The following DUOX1 variants were observed in gnomAD, a reference collection of about 807,000 sequenced individuals.
The protein encoded by DUOX1 is NADPH thyroid oxidase 1.
In DUOX1, 134 loss-of-function variants were observed where a neutral mutation model predicts 181.8. The ratio of observed to expected loss-of-function variants is 0.74; its 90% confidence interval spans 0.64 to 0.85. The LOEUF is 0.85. DUOX1 is among the 40% of genes least tolerant of loss of function. The pLI, the probability that DUOX1 is intolerant of heterozygous loss-of-function variation, is 0.00. For missense variants in DUOX1, 1,814 were observed against 2,064.4 expected, an observed-to-expected ratio of 0.88 and a Z score of 2.35; for synonymous variants, 798 against 832.5, an observed-to-expected ratio of 0.96 and a Z score of 0.71.
chr15:45,147,870 G>A (rs935037596), intron 19 of DUOX1, 34 bp from the exon 20 acceptor site: 20 of 1,586,674 alleles, frequency 1.3e-5, no homozygotes, highest in East Asian at 8.9e-5. Context: ...GCAGGCAGGC[G>A]GGGGCTCTCC....
intron 25 of DUOX1, 124 bp downstream of exon 25, chr15:45,152,640 T>A: frequency 9.2e-6 from 9 of 980,832 alleles, no homozygotes; most frequent in South Asian, 1.4e-5. Context: ...AGGATGGAGT[T>A]GGCCTGGGCC....
At chr15:45,153,048 C>T (rs1896856448) in intron 25 of DUOX1, 3 of 313,818 alleles carry the variant, frequency 9.6e-6, no homozygotes, top group Non-Finnish European at 1.8e-5. Flanking sequence ...TGGTGAAACC[C>T]CGTCTCTACT....
In DUOX1 at chr15:45,147,423, C is replaced by T. The variant is rs1223701259; in HGVS notation, c.2323-10C>T. ...CTCCTCTCCCTCCCTCTGCTTCTGC[C>T]CAAGTGCAGGTGCTGGACATCAACC... is the stretch of plus-strand genomic sequence containing the variant. On this transcript the variant is annotated splice_polypyrimidine_tract_variant and intron_variant, in intron 18 of 33. Transcript: ENST00000389037. The T allele has an allele frequency of 1.9e-6, 3 of 1,612,564 alleles. No homozygotes were observed. The highest frequency in any genetic ancestry group is 1.7e-6 in the Non-Finnish European group (2 of 1,179,290).
chr15:45,139,449 G>A lies in DUOX1; in HGVS notation c.1239G>A (p.Lys413=). Residue 413 remains lysine (K), a synonymous_variant, in exon 12 of 34, where the codon AAG becomes AAA. Transcript: ENST00000389037. ...CAGATTTCTGGCCTGGGCCACTGAA[G>A]TTTTCCCGCACAGACCACCTGGCCA... ...DVRDFWPGPL[K]FSRTDHLASC... 6.2e-7 allele frequency: 1 copy of A among 1,612,698 alleles called. No homozygotes were observed. The highest frequency in any genetic ancestry group is 8.5e-7 in the Non-Finnish European group (1 of 1,179,658).
chr15:45,137,585 T>C (rs1387303016), intron 9 of DUOX1, among the ~76,000 whole-genome samples: 2 of 152,116 alleles, frequency 1.3e-5, no homozygotes, highest in Non-Finnish European at 1.5e-5. Context: ...AGAACAATTT[T>C]TGAATCCTTT....
chr15:45,139,051 C>A lies in DUOX1; in HGVS notation c.1114-15C>A, dbSNP rs759081486. 17 of 1,610,938 alleles carry A rather than the reference C, an allele frequency of 1.1e-5. No individual in the cohort carries two copies. In the South Asian group the frequency reaches 1.8e-4, roughly 17 times the overall value. ...TTAACCACACCCCTTTCCTCCCCAC[C>A]CCCAACCTATAAAGCACCCAAGCCT... On this transcript the variant is annotated splice_polypyrimidine_tract_variant and intron_variant, in intron 10 of 33. Transcript: ENST00000389037.
chr15:45,147,506 C>T lies in DUOX1; in HGVS notation c.2396C>T (p.Thr799Ile), dbSNP rs1364696862. 4 of 1,613,980 alleles carry T rather than the reference C, an allele frequency of 2.5e-6. No homozygotes were observed. In the South Asian group the frequency reaches 3.3e-5, roughly 13 times the overall value. The change falls in exon 19 of 34, where the codon ACC (threonine) becomes ATC (isoleucine). Residue 799 changes from threonine to isoleucine, a missense_variant. Physicochemically the swap from Thr to Ile is moderately conservative, Grantham distance 89 (BLOSUM62 -1). Around this residue, in one of 5 missense-constraint regions of DUOX1, gnomAD observed 1,064 missense variants for 1,152.9 expected, o/e 0.92. Transcript: ENST00000389037. Reference sequence around the variant, plus strand: ...TCCCAGAAGGTGCGGGAGGCCCTGACCTGTGAGCTGAGCAGGGCCGAGTTT... The same window carrying T: ...TCCCAGAAGGTGCGGGAGGCCCTGATCTGTGAGCTGAGCAGGGCCGAGTTT... ...DSSQKVREAL[T>I]CELSRAEFAE...
intron 25 of DUOX1, 116 bp downstream of exon 25, chr15:45,152,632 G>T (rs556572951): frequency 1.9e-6 from 2 of 1,050,742 alleles, no homozygotes; most frequent in Non-Finnish European, 2.8e-6. Flanking sequence ...TCTCCATCAG[G>T]ATGGAGTTGG....
At chr15:45,160,669 G>GGTGGTGTC (rs1567021165) in intron 28 of DUOX1, among the ~76,000 whole-genome samples, 168 bp from the exon 29 acceptor site, 18 of 152,192 alleles carry the variant, frequency 1.2e-4, no homozygotes, top group South Asian at 4.1e-4. Context: ...TGCTATGGAG[G>GGTGGTGTC]ATGGAGTTGG....
chr15:45,138,995 G>C lies in DUOX1; in HGVS notation c.1114-71G>C. On this transcript the variant is annotated intron_variant, in intron 10 of 33. Coordinates refer to ENST00000389037, the MANE Select transcript of DUOX1 (RefSeq NM_175940.3). ...GCTCAGGGATAAGGATGATGGTGTGGAGGGAGCCGGCTGTCTAACCTCTGA... is the reference window on the plus strand; with the variant it reads ...GCTCAGGGATAAGGATGATGGTGTGCAGGGAGCCGGCTGTCTAACCTCTGA... 2.9e-6 allele frequency: 4 copies of C among 1,376,710 alleles called. No homozygotes were observed. In the South Asian group the frequency reaches 4.1e-5, roughly 14 times the overall value. The allele number at this position is 1,376,710 out of a possible 1,614,324, so 85.3% of individuals were successfully genotyped here. A position where few individuals can be genotyped will look rare whatever the true frequency, so the allele number is the denominator to read the frequency against.
chr15:45,147,986 C>T lies in DUOX1; in HGVS notation c.2631C>T (p.Ile877=), dbSNP rs758651324. 22 of 1,613,606 alleles carry T rather than the reference C, an allele frequency of 1.4e-5. No homozygotes were observed. Among genetic ancestry groups the T allele is most frequent in the Non-Finnish European group, 1.9e-5 (22 of 1,179,624 alleles). The stretch of plus-strand genomic sequence containing the variant: ...GCCTCATTTCCAAGGATGAGTTCAT[C>T]AGGATGCTGAGGTTTGTTCTCTGGG... The part of the protein sequence containing the change: ...GNGLISKDEF[I]RMLRSFIEIS... Residue 877 remains isoleucine, a synonymous_variant, in exon 20 of 34, where the codon ATC becomes ATT. Coordinates refer to ENST00000389037, the MANE Select transcript of DUOX1 (RefSeq NM_175940.3).
intron 7 of DUOX1, 140 bp downstream of exon 7, chr15:45,136,088 C>T (rs930297146): frequency 6.7e-7 from 1 of 1,494,938 alleles, no homozygotes; most frequent in African/African-American, 1.4e-5. Context: ...AGGGAAGCCC[C>T]TGTAAATGAT....
chr15:45,138,649 G>C (rs1456315489), intron 10 of DUOX1: 1 of 172,848 alleles, frequency 5.8e-6, no homozygotes, highest in Non-Finnish European at 1.2e-5. Context: ...CTGGAGCTGA[G>C]TTGAAAGAGG....
chr15:45,153,411 G>C lies in DUOX1; in HGVS notation c.3456G>C (p.Val1152=). ...ACAGTGTGGGCCATGTGGTGAATGT[G>C]TACCTGTTCTCCATCAGCCCCCTCA... ...VLHSVGHVVN[V]YLFSISPLSV... The change falls in exon 26 of 34, where the codon GTG becomes GTC. Residue 1152 remains valine (V), a synonymous_variant. Coordinates refer to ENST00000389037, the MANE Select transcript of DUOX1 (RefSeq NM_175940.3). The C allele has an allele frequency of 6.2e-7, 1 of 1,613,920 alleles. No individual in the cohort carries two copies. Among genetic ancestry groups the C allele is most frequent in the South Asian group, 1.1e-5 (1 of 91,074 alleles).
intron 31 of DUOX1, 128 bp from the exon 32 acceptor site, chr15:45,163,404 T>C: frequency 7.3e-7 from 1 of 1,363,470 alleles, no homozygotes; most frequent in Non-Finnish European, 1.0e-6. Context: ...ATACACTCCA[T>C]CTCCCCAGGC....
intron 14 of DUOX1, 140 bp downstream of exon 14, chr15:45,141,550 TC>T: frequency 1.0e-6 from 1 of 957,308 alleles, no homozygotes; most frequent in Non-Finnish European, 1.6e-6. Flanking sequence ...CCTTGGGAAC[TC>T]CAGGTGCCAG....
intron 9 of DUOX1, among the ~76,000 whole-genome samples, chr15:45,137,076 A>G (rs546578472): frequency 1.3e-5 from 2 of 151,892 alleles, no homozygotes; most frequent in African/African-American, 2.4e-5. Context: ...GGCCGGGAGC[A>G]GTGGCTCACG....
intron 9 of DUOX1, among the ~76,000 whole-genome samples, chr15:45,137,360 CA>C (rs748162336): frequency 0.046 from 2,119 of 46,356 alleles, 13 homozygotes; most frequent in East Asian, 0.17. Flanking sequence ...AACTCCATCT[CA>C]AAAAAAAAAA....
chr15:45,148,196 C>A, intron 20 of DUOX1, 76 bp from the exon 21 acceptor site: 1 of 1,596,384 alleles, frequency 6.3e-7, no homozygotes, highest in Non-Finnish European at 8.6e-7. Flanking sequence ...GAACTTGGTG[C>A]GATGGAGTCA....
Sources: allele counts gnomAD v4.1 joint callset (sites outside exome capture counted in the v4.1 genomes callset), GRCh38; gene constraint gnomAD v4.1.1; regional missense constraint gnomAD v4.1.1; transcripts MANE v1.5; gene names NCBI Gene and HGNC (gene_info 2026-07-23, HGNC 2026-07-21).